The following ZFHX3 variants were observed in gnomAD, a reference collection of about 807,000 sequenced individuals.
ZFHX3 encodes zinc finger homeobox 3.
Under a neutral mutation model 279.1 loss-of-function variants are expected in ZFHX3, and 42 were observed. The observed-to-expected ratio is 0.15, with a 90% CI of 0.12 to 0.19. The LOEUF (loss-of-function observed/expected upper bound fraction) is 0.19, where lower values mean the gene tolerates loss of function less well. Ranked by LOEUF, ZFHX3 falls within the 10% of genes least tolerant of loss-of-function variation. The probability of loss-of-function intolerance (pLI) is 1.00; values close to 1 mark genes in which losing one functional copy is unlikely to be tolerated. For synonymous variants in ZFHX3, 2,293 were observed against 1,957.8 expected, an observed-to-expected ratio of 1.17 and a Z score of -4.52; for missense variants, 4,981 against 4,754.0, an observed-to-expected ratio of 1.05 and a Z score of -1.40.
chr16:73,267,692 G>T (rs1028462186), intron 4 of ZFHX3, among the ~76,000 whole-genome samples: 1 of 152,186 alleles, frequency 6.6e-6, no homozygotes. Flanking sequence ...CTAGCCTGGG[G>T]TAGCCTTGAG....
At chr16:73,478,706 C>A (rs1305271195) in intron 2 of ZFHX3, among the ~76,000 whole-genome samples, 1 of 152,128 alleles carries the variant, frequency 6.6e-6, no homozygotes, top group Non-Finnish European at 1.5e-5. Context: ...GGGTGTCGTA[C>A]AGGATGATTG....
chr16:73,698,731 G>C (rs578026098), intron 1 of ZFHX3, among the ~76,000 whole-genome samples: 8 of 152,260 alleles, frequency 5.3e-5, no homozygotes, highest in African/African-American at 1.9e-4. Flanking sequence ...GGAAGTTAAG[G>C]CCTGAGGAAA....
At chr16:73,865,487 C>A (rs1304101550) in intron 1 of ZFHX3, among the ~76,000 whole-genome samples, 1 of 152,178 alleles carries the variant, frequency 6.6e-6, no homozygotes, top group African/African-American at 2.4e-5. Flanking sequence ...TTTCCTGGAA[C>A]TGAGATCCCC....
intron 2 of ZFHX3, among the ~76,000 whole-genome samples, chr16:73,615,935 T>A (rs2052297121): frequency 6.6e-6 from 1 of 152,188 alleles, no homozygotes; most frequent in Non-Finnish European, 1.5e-5. Flanking sequence ...AAAAACGGAA[T>A]CTTCACGTGG....
At chr16:73,571,184 A>G (rs13338429) in intron 2 of ZFHX3, among the ~76,000 whole-genome samples, 4,877 of 152,180 alleles carry the variant, frequency 0.032, 268 homozygotes, top group African/African-American at 0.11. Context: ...CAGGGGAACA[A>G]TTAAGAAATT....
chr16:73,589,511 C>T (rs2051969136), intron 2 of ZFHX3, among the ~76,000 whole-genome samples: 1 of 149,512 alleles, frequency 6.7e-6, no homozygotes, highest in South Asian at 2.1e-4. Flanking sequence ...GTGGGTGGAT[C>T]ACAAGGTCAG....
upstream of ZFHX3, among the ~76,000 whole-genome samples, chr16:73,052,253 G>C (rs1249370286): frequency 6.6e-6 from 1 of 151,462 alleles, no homozygotes; most frequent in African/African-American, 2.4e-5. Context: ...CCATTCCATA[G>C]TATGTACCAA....
At chr16:72,881,508 G>A (rs2038469477) in intron 4 of ZFHX3, among the ~76,000 whole-genome samples, 1 of 152,214 alleles carries the variant, frequency 6.6e-6, no homozygotes, top group Admixed American at 6.5e-5. Flanking sequence ...ATAGATGCAT[G>A]TTCTATTTCC....
Position 73,793,766 on chromosome 16 carries a change from G to A in ZFHX3, c.-1608+97885C>T, listed in dbSNP as rs374083941. On this transcript the variant is annotated intron_variant, in intron 1 of 17. Coordinates refer to the ZFHX3 transcript ENST00000641206. ...GAGGAATAAGAGGAGGAGGAGTCCC[G>A]ACAATTGACAGCCTGTTTCAAATGT... Among the ~76,000 whole-genome samples the A allele has an allele frequency of 6.6e-5, 10 of 152,252 alleles. No individual in the cohort carries two copies. The South Asian group carries it at 1.5e-3, about 22-fold the overall frequency.
intron 5 of ZFHX3, among the ~76,000 whole-genome samples, chr16:73,201,932 C>T (rs1025566308): frequency 2.6e-5 from 4 of 152,258 alleles, no homozygotes; most frequent in African/African-American, 2.4e-5. Context: ...AAGCCACTTA[C>T]GGCGTGGTAG....
intron 5 of ZFHX3, among the ~76,000 whole-genome samples, chr16:72,825,196 T>G (rs183717906): frequency 6.6e-6 from 1 of 152,226 alleles, no homozygotes. Flanking sequence ...CTAGAGTCTT[T>G]CCACATCACC....
intron 1 of ZFHX3, among the ~76,000 whole-genome samples, chr16:73,011,320 T>C (rs1260057692): frequency 1.3e-5 from 2 of 151,908 alleles, no homozygotes; most frequent in East Asian, 1.9e-4. Context: ...TTTGTAGATA[T>C]GGGGTTTCCC....
chr16:73,607,499 T>C (rs13331797), intron 2 of ZFHX3, among the ~76,000 whole-genome samples: 5,004 of 152,268 alleles, frequency 0.033, 285 homozygotes, highest in African/African-American at 0.11. Flanking sequence ...AGCAAAGACA[T>C]AGAATCAACC....
At chr16:73,179,492 T>C (rs974570363) in intron 5 of ZFHX3, among the ~76,000 whole-genome samples, 1 of 152,144 alleles carries the variant, frequency 6.6e-6, no homozygotes, top group Non-Finnish European at 1.5e-5. Context: ...ACAAATTTAC[T>C]AGCACAAGTG....
chr16:73,301,290 G>A (rs890688159), intron 4 of ZFHX3, among the ~76,000 whole-genome samples: 2 of 152,096 alleles, frequency 1.3e-5, no homozygotes, highest in African/African-American at 4.8e-5. Flanking sequence ...CATGTTTCTG[G>A]CGGAAGAAGG....
chr16:73,877,327 A>AT (rs973511469), intron 1 of ZFHX3, among the ~76,000 whole-genome samples: 6 of 151,446 alleles, frequency 4.0e-5, no homozygotes, highest in Non-Finnish European at 7.4e-5. Flanking sequence ...TCTTCATGCA[A>AT]TTTTTTTTTC....
intron 2 of ZFHX3, among the ~76,000 whole-genome samples, chr16:73,590,610 A>T (rs1216699451): frequency 6.6e-6 from 1 of 152,212 alleles, no homozygotes; most frequent in African/African-American, 2.4e-5. Context: ...TAGAGAACCA[A>T]CTCATTATTT....
intron 3 of ZFHX3, among the ~76,000 whole-genome samples, chr16:72,914,808 C>T (rs542311309): frequency 1.3e-5 from 2 of 152,116 alleles, no homozygotes; most frequent in Admixed American, 1.3e-4. Flanking sequence ...TTGGCCAATA[C>T]GGTGAAACCC....
chr16:73,317,297 T>C (rs77789079), intron 4 of ZFHX3, among the ~76,000 whole-genome samples: 3 of 143,078 alleles, frequency 2.1e-5, no homozygotes, highest in Non-Finnish European at 4.6e-5. Context: ...GGGGTGGCGG[T>C]GGTGGTGGTT....
Sources: gnomAD v4.1 joint callset for allele counts (sites outside exome capture counted in the v4.1 genomes callset) on GRCh38, gnomAD v4.1.1 for gene constraint, MANE v1.5 for transcripts, NCBI Gene and HGNC (gene_info 2026-07-23, HGNC 2026-07-21) for gene names.